The following DCC variants were observed in gnomAD, a reference collection of about 807,000 sequenced individuals.
DCC encodes netrin receptor DCC.
A neutral mutation model predicts 172.5 loss-of-function variants in DCC; 58 were observed. The observed-to-expected ratio is 0.34, with a 90% confidence interval of 0.27 to 0.42. The LOEUF (loss-of-function observed/expected upper bound fraction) is 0.42. Ranked by LOEUF, DCC falls within the 10% of genes least tolerant of loss-of-function variation. DCC has a pLI of 1.00. For synonymous variants in DCC, 709 were observed against 644.5 expected, an observed-to-expected ratio of 1.10 and a Z score of -1.52; for missense variants, 1,740 against 1,791.0, an observed-to-expected ratio of 0.97 and a Z score of 0.51.
chr18:53,305,753 T>G lies in DCC; in HGVS notation c.2053+34T>G, dbSNP rs765865550. 2.5e-6 allele frequency: 4 copies of G among 1,606,156 alleles called. 1 individual carries two copies. The highest frequency in any genetic ancestry group is 3.4e-6 in the Non-Finnish European group (4 of 1,172,686). ...TCACATGGTGTAGTCTTGCAAGGTT[T>G]TGATGAATTAAATGCTTTAGGAATA... On this transcript the variant is annotated intron_variant, in intron 13 of 28. Coordinates refer to ENST00000442544, the MANE Select transcript of DCC (RefSeq NM_005215.4).
intron 1 of DCC, among the ~76,000 whole-genome samples, chr18:52,646,313 A>G (rs866111419): frequency 5.9e-5 from 9 of 152,248 alleles, no homozygotes; most frequent in African/African-American, 1.9e-4. Context: ...CATGCTTACA[A>G]GAGAACATGC....
At chr18:53,484,291 G>C (rs547313778) in intron 25 of DCC, among the ~76,000 whole-genome samples, 1 of 151,650 alleles carries the variant, frequency 6.6e-6, no homozygotes, top group African/African-American at 2.4e-5. Context: ...ATAAAAAGCT[G>C]TACCAAAATT....
At chr18:53,088,838 C>T (rs1042082275) in intron 7 of DCC, among the ~76,000 whole-genome samples, 2 of 151,968 alleles carry the variant, frequency 1.3e-5, no homozygotes, top group African/African-American at 4.8e-5. Context: ...TTCTTATTAA[C>T]AAAGTTAATG....
chr18:53,207,064 C>T (rs2055662975), intron 10 of DCC, among the ~76,000 whole-genome samples: 1 of 152,032 alleles, frequency 6.6e-6, no homozygotes, highest in East Asian at 1.9e-4. Context: ...TATTTTAGCT[C>T]TTCAACGCAT....
At chr18:52,838,202 TA>T (rs60233701) in intron 2 of DCC, among the ~76,000 whole-genome samples, 1 of 152,194 alleles carries the variant, frequency 6.6e-6, no homozygotes, top group African/African-American at 2.4e-5. Flanking sequence ...TCCTTATTTT[TA>T]AACTTTATAA....
chr18:52,891,168 T>C (rs781644399), intron 2 of DCC, among the ~76,000 whole-genome samples: 1 of 152,100 alleles, frequency 6.6e-6, no homozygotes, highest in Non-Finnish European at 1.5e-5. Flanking sequence ...GGGGTTTTCA[T>C]TGACTTCTCT....
chr18:52,404,376 T>A lies in DCC; in HGVS notation c.91+63498T>A, dbSNP rs544665896. On this transcript the variant is annotated intron_variant, in intron 1 of 28. Transcript: ENST00000442544. The stretch of plus-strand genomic sequence containing the variant: ...AGTCATTCTTCTTAGATGGCGAGCA[T>A]CTGACACTCAACTTGAAAGATAACA... Among the ~76,000 whole-genome samples, 11 of 151,092 alleles carry A rather than the reference T, an allele frequency of 7.3e-5. No homozygotes were observed. The East Asian group carries it at 2.1e-3, about 29-fold the overall frequency.
At chr18:52,997,471 A>G (rs7234521) in intron 5 of DCC, among the ~76,000 whole-genome samples, 110,686 of 151,962 alleles carry the variant, frequency 0.73, 40,473 homozygotes, top group East Asian at 0.76. Flanking sequence ...CTAAGTCTCC[A>G]TTCAGGATTC....
intron 1 of DCC, among the ~76,000 whole-genome samples, chr18:52,749,907 C>T (rs760947510): frequency 3.9e-4 from 59 of 152,150 alleles, no homozygotes; most frequent in Non-Finnish European, 7.6e-4. Context: ...ATTAATGCTA[C>T]TTGTATGGAA....
intron 25 of DCC, among the ~76,000 whole-genome samples, chr18:53,484,712 A>G (rs2045881008): frequency 6.6e-6 from 1 of 152,058 alleles, no homozygotes; most frequent in African/African-American, 2.4e-5. Context: ...ATTTCTAATC[A>G]GGAAGTGCAG....
intron 12 of DCC, among the ~76,000 whole-genome samples, chr18:53,255,262 C>T (rs962777060): frequency 3.3e-5 from 5 of 151,556 alleles, no homozygotes; most frequent in African/African-American, 9.7e-5. Flanking sequence ...ATGTGCACAA[C>T]ATGCAGGTTT....
chr18:53,049,220 C>T (rs763496026), intron 5 of DCC, among the ~76,000 whole-genome samples: 3 of 151,936 alleles, frequency 2.0e-5, no homozygotes, highest in Admixed American at 2.0e-4. Context: ...GTTTCTATTG[C>T]AATTGTTTTT....
intron 1 of DCC, among the ~76,000 whole-genome samples, chr18:52,745,344 C>T (rs1288061804): frequency 2.0e-5 from 3 of 152,224 alleles, no homozygotes; most frequent in East Asian, 3.9e-4. Context: ...CAATCCAGGC[C>T]ACCAGATGTT....
intron 1 of DCC, among the ~76,000 whole-genome samples, chr18:52,438,011 C>A (rs957759400): frequency 2.0e-5 from 3 of 152,092 alleles, no homozygotes; most frequent in Non-Finnish European, 4.4e-5. Context: ...GTATTAAGAG[C>A]CAATGGAAAA....
intron 27 of DCC, among the ~76,000 whole-genome samples, chr18:53,509,676 G>C (rs2046226422): frequency 6.6e-6 from 1 of 152,154 alleles, no homozygotes; most frequent in Non-Finnish European, 1.5e-5. Context: ...TTTCTAGCAA[G>C]TGAGTTCATA....
At position 53,173,733 on chromosome 18, in the gene DCC, G is replaced by C. The variant is rs369527877; in HGVS notation, c.1419-5229G>C. Among the ~76,000 whole-genome samples, 43 of 148,060 alleles carry C rather than the reference G, an allele frequency of 2.9e-4. No individual in the cohort carries two copies. The East Asian group carries it at 7.9e-3, about 27-fold the overall frequency. ...AGACTCCCACACATTAATAATGGGA[G>C]ACTTTAACACCCCACTGTCAACATT... On this transcript the variant is annotated intron_variant, in intron 8 of 28. Coordinates refer to ENST00000442544, the MANE Select transcript of DCC (RefSeq NM_005215.4).
intron 1 of DCC, among the ~76,000 whole-genome samples, chr18:52,429,202 C>G (rs2144461821): frequency 6.6e-6 from 1 of 152,144 alleles, no homozygotes; most frequent in Admixed American, 6.6e-5. Flanking sequence ...CACAGTATCT[C>G]ATTTAGTCTA....
At chr18:53,452,170 G>C (rs2045422787) in intron 23 of DCC, among the ~76,000 whole-genome samples, 1 of 152,192 alleles carries the variant, frequency 6.6e-6, no homozygotes, top group Non-Finnish European at 1.5e-5. Flanking sequence ...TGTGTTATCA[G>C]GAAAGGGGTT....
chr18:52,671,898 C>T (rs1008620508), intron 1 of DCC, among the ~76,000 whole-genome samples: 1 of 152,002 alleles, frequency 6.6e-6, no homozygotes, highest in Non-Finnish European at 1.5e-5. Context: ...GAAGTAAATA[C>T]CCCATAAAGC....
Sources: allele counts gnomAD v4.1 joint callset (sites outside exome capture counted in the v4.1 genomes callset), GRCh38; gene constraint gnomAD v4.1.1; transcripts MANE v1.5; gene names NCBI Gene and HGNC (gene_info 2026-07-23, HGNC 2026-07-21).